Variants in EEA1 observed in about 807,000 individuals in gnomAD.
EEA1 encodes the protein early endosome antigen 1.
Under a neutral mutation model 209.2 loss-of-function variants are expected in EEA1, and 111 were observed. The ratio of observed to expected loss-of-function variants is 0.53; its 90% CI spans 0.45 to 0.62. The LOEUF is 0.62. Among genes scored for constraint, EEA1 ranks in the 20% least tolerant of loss-of-function variants. The probability of loss-of-function intolerance (pLI) is 0.00; values close to 1 mark genes in which losing one functional copy is unlikely to be tolerated. For missense variants in EEA1, 1,343 were observed against 1,530.8 expected (o/e 0.88, Z 2.05); for synonymous variants, 536 against 540.6 (o/e 0.99, Z 0.12).
At chr12:92,791,016 C>A (rs1055930558) in intron 21 of EEA1, among the ~76,000 whole-genome samples, 1 of 152,126 alleles carries the variant, frequency 6.6e-6, no homozygotes, top group Non-Finnish European at 1.5e-5. Context: ...TCATATCCAG[C>A]CAAACTAAGC....
rs1251948710 is a variant in EEA1, at chr12:92,771,253, A to C, written c.*4758T>G. 6.6e-6 allele frequency: 1 copy of C among 152,128 alleles called. No homozygotes were observed. The highest frequency in any genetic ancestry group is 1.5e-5 in the Non-Finnish European group (1 of 67,980). The allele number at this position is 152,128 out of a possible 1,614,324, so 9.4% of individuals were successfully genotyped here. A position where few individuals can be genotyped will look rare whatever the true frequency, so the allele number is the denominator to read the frequency against. ...AAAGTGAAAGTAGTAAATTTATCAAATTTGGCTGCAAGACAACTGAAGCCT... is the reference window on the plus strand; with the variant it reads ...AAAGTGAAAGTAGTAAATTTATCAACTTTGGCTGCAAGACAACTGAAGCCT... On this transcript the variant is annotated 3_prime_UTR_variant, in exon 29 of 29. Coordinates refer to ENST00000322349, the MANE Select transcript of EEA1 (RefSeq NM_003566.4).
intron 18 of EEA1, 110 bp from the exon 19 acceptor site, chr12:92,802,844 G>C: frequency 2.5e-6 from 2 of 786,870 alleles, no homozygotes; most frequent in South Asian, 2.1e-5. Flanking sequence ...TTTTTGTATA[G>C]TTCACAAGTA....
intron 18 of EEA1, among the ~76,000 whole-genome samples, chr12:92,806,693 C>A (rs1293934087): frequency 6.6e-6 from 1 of 152,118 alleles, no homozygotes; most frequent in African/African-American, 2.4e-5. Flanking sequence ...CAGACCAATA[C>A]CCCTCATAAA....
At chr12:92,804,837 A>G (rs1179648190) in intron 18 of EEA1, among the ~76,000 whole-genome samples, 2 of 152,130 alleles carry the variant, frequency 1.3e-5, no homozygotes, top group African/African-American at 4.8e-5. Flanking sequence ...GGGTTTAGTC[A>G]AAGTCTCTAT....
At chr12:92,851,861 C>A (rs900288227) in intron 8 of EEA1, among the ~76,000 whole-genome samples, 2 of 151,958 alleles carry the variant, frequency 1.3e-5, no homozygotes, top group African/African-American at 4.8e-5. Context: ...ACCCTAAAAG[C>A]AGATGGATTT....
At chr12:92,843,518 A>C (rs112998229) in intron 9 of EEA1, among the ~76,000 whole-genome samples, 2,832 of 152,350 alleles carry the variant, frequency 0.019, 96 homozygotes, top group African/African-American at 0.063. Context: ...ATCATTTAAA[A>C]ATAATATAAG....
Position 92,777,946 on chromosome 12 carries a change from C to T in EEA1, c.3888G>A (p.Leu1296=), listed in dbSNP as rs916316345. 22 of 1,610,826 alleles carry T rather than the reference C, an allele frequency of 1.4e-5. No individual in the cohort carries two copies. Among genetic ancestry groups the T allele is most frequent in the Non-Finnish European group, 1.7e-5 (20 of 1,177,594 alleles). The change falls in exon 26 of 29, where the codon CTG becomes CTA. Residue 1296 remains leucine (L), a synonymous_variant. Transcript: ENST00000322349. The part of the protein sequence containing the change: ...QNNQDERRAL[L]ERCLKGEGEI... The stretch of plus-strand genomic sequence containing the variant: ...TTTTACTAGATATCAATCACCTTTC[C>T]AGTAGTGCTCTCCTTTCATCTTGAT...
At position 92,828,073 on chromosome 12, in the gene EEA1, G is replaced by T; in HGVS notation, c.1255-12C>A. On this transcript the variant is annotated splice_polypyrimidine_tract_variant and intron_variant, in intron 11 of 28. Coordinates refer to ENST00000322349, the MANE Select transcript of EEA1 (RefSeq NM_003566.4). ...AGTTTGCTATGTAACTTTAAAAAAA[G>T]AAAAAAAAATGTATGTACATATGTA... The T allele has an allele frequency of 1.3e-6, 2 of 1,525,414 alleles. No individual in the cohort carries two copies. The highest frequency in any genetic ancestry group is 1.3e-5 in the South Asian group (1 of 76,204). 94.5% of individuals were successfully genotyped at this position (1,525,414 alleles called of 1,614,324 possible).
Position 92,821,751 on chromosome 12 carries a change from T to C in EEA1, c.1525-2240A>G, listed in dbSNP as rs978844944. On this transcript the variant is annotated intron_variant, in intron 13 of 28. Coordinates refer to ENST00000322349, the MANE Select transcript of EEA1 (RefSeq NM_003566.4). ...TCAGCTCTTACTATCTCCAACTTTATCAAGAAACATGAGATTTTCAGGAAT... is the reference window on the plus strand; with the variant it reads ...TCAGCTCTTACTATCTCCAACTTTACCAAGAAACATGAGATTTTCAGGAAT... Among the ~76,000 whole-genome samples the C allele has an allele frequency of 2.0e-5, 3 of 151,790 alleles. No individual in the cohort carries two copies. The South Asian group carries it at 6.2e-4, about 32-fold the overall frequency.
chr12:92,872,333 G>C (rs926193419), intron 2 of EEA1, among the ~76,000 whole-genome samples: 4 of 152,022 alleles, frequency 2.6e-5, no homozygotes, highest in Admixed American at 6.5e-5. Flanking sequence ...ACAGGCGTGG[G>C]CCACCACGCC....
At chr12:92,878,531 T>C (rs887034545) in intron 2 of EEA1, among the ~76,000 whole-genome samples, 1 of 152,120 alleles carries the variant, frequency 6.6e-6, no homozygotes, top group Non-Finnish European at 1.5e-5. Flanking sequence ...AAACAATAAA[T>C]TTAGGACAAA....
rs111513793 is a variant in EEA1, at chr12:92,815,894, G to A, written c.1929+306C>T. 6.3e-3 allele frequency among the ~76,000 whole-genome samples: 964 copies of A among 151,902 alleles called. 10 individuals are homozygous for A. Among genetic ancestry groups the A allele is most frequent in the African/African-American group, 0.022 (911 of 41,410 alleles). On this transcript the variant is annotated intron_variant, in intron 15 of 28. Transcript: ENST00000322349. ...AGTGATTTCACTAGGTGTAGCTTGA[G>A]GACAGAGAGAGCGCACCTGAGAGCA...
chr12:92,893,105 C>A (rs1879728081), intron 1 of EEA1, among the ~76,000 whole-genome samples: 1 of 152,196 alleles, frequency 6.6e-6, no homozygotes, highest in Admixed American at 6.5e-5. Flanking sequence ...GGTTAAAGGT[C>A]TTTTCCCCCT....
chr12:92,899,632 T>A (rs1880068691), intron 1 of EEA1, among the ~76,000 whole-genome samples: 1 of 152,206 alleles, frequency 6.6e-6, no homozygotes, highest in Admixed American at 6.5e-5. Context: ...TTGGGAAAGT[T>A]AGGATCATCT....
chr12:92,866,323 A>C (rs1328151322), intron 2 of EEA1, among the ~76,000 whole-genome samples: 1 of 152,116 alleles, frequency 6.6e-6, no homozygotes, highest in Non-Finnish European at 1.5e-5. Context: ...GGTAGCAAGA[A>C]ATAAACTTGT....
chr12:92,895,118 C>T (rs969596889), intron 1 of EEA1, among the ~76,000 whole-genome samples: 8 of 149,088 alleles, frequency 5.4e-5, no homozygotes, highest in African/African-American at 7.5e-5. Context: ...ATCTGTTTAC[C>T]ACATGGATCA....
intron 1 of EEA1, among the ~76,000 whole-genome samples, chr12:92,896,629 T>G (rs186607794): frequency 6.6e-6 from 1 of 151,928 alleles, no homozygotes; most frequent in African/African-American, 2.4e-5. Flanking sequence ...ATGGTGAAAC[T>G]CCGTCACTAC....
At position 92,788,013 on chromosome 12, in the gene EEA1, G is replaced by A; in HGVS notation, c.3004C>T (p.Gln1002Ter). ...TCTGCTGCAAGTTCCTGGGCTGCCTGTGTTAACTGCTGCTGTAGTTTATTC... is the reference window on the plus strand; with the variant it reads ...TCTGCTGCAAGTTCCTGGGCTGCCTATGTTAACTGCTGCTGTAGTTTATTC... ...LENKLQQQLT[Q>*]AAQELAAEKE... is the part of the protein sequence containing the mutation. Residue 1002 changes from glutamine to a stop codon, truncating the protein, a stop_gained, in exon 22 of 29, where the codon CAG becomes TAG. Transcript: ENST00000322349. LOFTEE classifies it high-confidence loss of function. 6.2e-7 allele frequency: 1 copy of A among 1,608,586 alleles called. No individual in the cohort carries two copies. Among genetic ancestry groups the A allele is most frequent in the Non-Finnish European group, 8.5e-7 (1 of 1,177,556 alleles).
intron 25 of EEA1, among the ~76,000 whole-genome samples, chr12:92,778,403 G>T (rs1288061485): frequency 6.6e-6 from 1 of 151,942 alleles, no homozygotes; most frequent in African/African-American, 2.4e-5. Context: ...CCATCATGAT[G>T]GTGAGCTAAA....
Sources: gnomAD v4.1 joint callset for allele counts (sites outside exome capture counted in the v4.1 genomes callset) on GRCh38, gnomAD v4.1.1 for gene constraint, MANE v1.5 for transcripts, NCBI Gene and HGNC (gene_info 2026-07-23, HGNC 2026-07-21) for gene names.